Variants in DMAC2L observed in about 807,000 individuals in gnomAD.
DMAC2L encodes distal membrane arm assembly component 2 like.
DMAC2L carries 21 observed loss-of-function variants against 22.5 expected under a neutral mutation model. That is an observed-to-expected ratio of 0.93 (90% CI 0.66 to 1.34). The LOEUF is 1.34. DMAC2L is among the 40% of genes most tolerant of loss of function. The pLI is 0.00. For synonymous variants in DMAC2L, 86 were observed against 89.5 expected (o/e 0.96, Z 0.22); for missense variants, 239 against 246.5 (o/e 0.97, Z 0.20).
intron 2 of DMAC2L, 51 bp downstream of exon 2, chr14:50,314,677 T>C: frequency 4.4e-6 from 2 of 453,492 alleles, no homozygotes; most frequent in Non-Finnish European, 4.4e-6. Context: ...GGTTATGCTC[T>C]GTTGCCCAGG....
Position 50,325,929 on chromosome 14 carries a change from T to C in DMAC2L, c.*206T>C. On this transcript the variant is annotated 3_prime_UTR_variant, in exon 6 of 6. Coordinates refer to ENST00000557421, the MANE Select transcript of DMAC2L (RefSeq NM_001382507.1). ...GGAAGTGAGAATTTATGAACATTAA[T>C]TCATTTTAAGAAAAGTGCAGCCAGG... 8.4e-7 allele frequency: 1 copy of C among 1,197,134 alleles called. No individual in the cohort carries two copies. The highest frequency in any genetic ancestry group is 3.6e-4 in the Middle Eastern group (1 of 2,798). The allele number at this position is 1,197,134 out of a possible 1,614,324, so 74.2% of individuals were successfully genotyped here.
Position 50,313,077 on chromosome 14 carries a change from C to G in DMAC2L, c.-42+688C>G, listed in dbSNP as rs200399707. On this transcript the variant is annotated intron_variant, in intron 1 of 5. Transcript: ENST00000557421. ...CCTGTGCAGGTCACTTCACCTGATT[C>G]CCTTTATGTAAAAATGAGGGCGATG... 22 of 1,595,452 alleles carry G rather than the reference C, an allele frequency of 1.4e-5. No individual in the cohort carries two copies. In the East Asian group the frequency reaches 4.0e-4, roughly 29 times the overall value.
intron 2 of DMAC2L, among the ~76,000 whole-genome samples, chr14:50,315,717 T>C (rs367952475): frequency 6.6e-5 from 10 of 150,516 alleles, no homozygotes; most frequent in Admixed American, 2.0e-4. Flanking sequence ...CCTATTCAGG[T>C]TGCTGCGAAT....
intron 1 of DMAC2L, among the ~76,000 whole-genome samples, chr14:50,313,265 G>A (rs534223735): frequency 2.0e-5 from 3 of 152,262 alleles, no homozygotes; most frequent in South Asian, 4.1e-4. Flanking sequence ...GAAGGACTTC[G>A]TGTGCCTCTA....
intron 2 of DMAC2L, among the ~76,000 whole-genome samples, chr14:50,318,650 T>C (rs771021791): frequency 2.6e-5 from 4 of 152,234 alleles, no homozygotes; most frequent in Non-Finnish European, 5.9e-5. Context: ...CTTGTTCTTT[T>C]ACTTTGCATA....
At chr14:50,311,998 A>G (rs1311941550), upstream of DMAC2L, 1 of 1,555,718 alleles carries the variant, frequency 6.4e-7, no homozygotes, top group Non-Finnish European at 8.7e-7. Context: ...GGGGAGGACC[A>G]GCGGCCACTC....
intron 2 of DMAC2L, among the ~76,000 whole-genome samples, chr14:50,317,986 T>C (rs1185673303): frequency 2.0e-5 from 3 of 152,230 alleles, no homozygotes; most frequent in Non-Finnish European, 4.4e-5. Flanking sequence ...ATGCTTTTTC[T>C]GCATCTATTG....
intron 4 of DMAC2L, among the ~76,000 whole-genome samples, chr14:50,323,480 A>T (rs1412447704): frequency 2.2e-5 from 3 of 136,566 alleles, no homozygotes; most frequent in African/African-American, 8.4e-5. Context: ...TGCAACCTCT[A>T]CCTCCTGGGT....
chr14:50,314,905 G>T (rs993247227), intron 2 of DMAC2L, among the ~76,000 whole-genome samples: 2 of 152,106 alleles, frequency 1.3e-5, no homozygotes, highest in African/African-American at 4.8e-5. Flanking sequence ...GCCTCCCAAA[G>T]TGCTGGGATT....
intron 2 of DMAC2L, among the ~76,000 whole-genome samples, chr14:50,317,787 G>T (rs1438264581): frequency 3.3e-5 from 5 of 151,844 alleles, no homozygotes; most frequent in African/African-American, 1.2e-4. Context: ...AAAAAAAGGG[G>T]GGTGGTGGTG....
intron 2 of DMAC2L, among the ~76,000 whole-genome samples, chr14:50,317,799 TGA>T: frequency 6.6e-6 from 1 of 151,218 alleles, no homozygotes; most frequent in Non-Finnish European, 1.5e-5. Context: ...GTGGTGGTGG[TGA>T]GAGTCGGCAT....
chr14:50,321,319 TAAA>T (rs529956937), intron 2 of DMAC2L, 161 bp from the exon 3 acceptor site: 1 of 1,317,636 alleles, frequency 7.6e-7, no homozygotes, highest in African/African-American at 1.5e-5. Flanking sequence ...AGCAAACAAA[TAAA>T]AAACCCCAAG....
intron 1 of DMAC2L, among the ~76,000 whole-genome samples, chr14:50,313,709 T>A (rs1160680717): frequency 6.6e-6 from 1 of 152,218 alleles, no homozygotes; most frequent in African/African-American, 2.4e-5. Context: ...TAATTGACAT[T>A]CACACAATCC....
chr14:50,322,531 G>T lies in DMAC2L; in HGVS notation c.128G>T (p.Arg43Met). The T allele has an allele frequency of 1.2e-6, 2 of 1,612,692 alleles. No individual in the cohort carries two copies. Among genetic ancestry groups the T allele is most frequent in the South Asian group, 2.2e-5 (2 of 91,012 alleles). The change falls in exon 4 of 6, where the codon AGG becomes ATG. Residue 43 changes from arginine to methionine, a missense_variant. By Grantham distance (91) the Arg-to-Met change is moderately conservative. Coordinates refer to ENST00000557421, the MANE Select transcript of DMAC2L (RefSeq NM_001382507.1). ...VFNKVDYDRI[R>M]DVGPDRAASE... ...AACAGGGTGGATTATGATCGCATCA[G>T]GGATGTTGGCCCTGACAGGGCGGCA... is the stretch of plus-strand genomic sequence containing the variant.
At chr14:50,319,029 A>G (rs2032049248) in intron 2 of DMAC2L, 2 of 985,326 alleles carry the variant, frequency 2.0e-6, no homozygotes, top group African/African-American at 3.5e-5. Context: ...CGAATGAATG[A>G]ATGGACATGG....
intron 5 of DMAC2L, among the ~76,000 whole-genome samples, chr14:50,325,301 A>G (rs1290155788): frequency 6.6e-6 from 1 of 152,152 alleles, no homozygotes; most frequent in African/African-American, 2.4e-5. Context: ...GTATCTAAGA[A>G]TTTTCCCAGC....
At chr14:50,322,371 A>G in intron 3 of DMAC2L, 140 bp from the exon 4 acceptor site, 3 of 842,074 alleles carry the variant, frequency 3.6e-6, no homozygotes, top group African/African-American at 2.2e-5. Flanking sequence ...TTTTTTTTGC[A>G]TGGATCTCAC....
chr14:50,318,778 T>C (rs554050410), intron 2 of DMAC2L, among the ~76,000 whole-genome samples: 1 of 152,358 alleles, frequency 6.6e-6, no homozygotes, highest in South Asian at 2.1e-4. Flanking sequence ...GTGAAGGCCT[T>C]CTTCTCACTC....
At chr14:50,323,124 C>T (rs1457443244) in intron 4 of DMAC2L, 3 of 807,092 alleles carry the variant, frequency 3.7e-6, no homozygotes, top group Non-Finnish European at 3.0e-6. Context: ...CTTGCTCTGT[C>T]GCCTAGGCTG....
Sources: allele counts gnomAD v4.1 joint callset (sites outside exome capture counted in the v4.1 genomes callset), GRCh38; gene constraint gnomAD v4.1.1; transcripts MANE v1.5; gene names NCBI Gene and HGNC (gene_info 2026-07-23, HGNC 2026-07-21).